OSER1: variants seen among roughly 807,000 people sequenced by gnomAD.
OSER1 encodes oxidative stress-responsive serine-rich protein 1.
Under a neutral mutation model 26.3 loss-of-function variants are expected in OSER1, and 15 were observed. The ratio of observed to expected loss-of-function variants is 0.57; its 90% confidence interval spans 0.38 to 0.88. The LOEUF (loss-of-function observed/expected upper bound fraction) is 0.88, where lower values mean the gene tolerates loss of function less well. OSER1 is among the 40% of genes least tolerant of loss of function. The pLI, the probability that OSER1 is intolerant of heterozygous loss-of-function variation, is 0.00. For synonymous variants in OSER1, 127 were observed against 128.2 expected (o/e 0.99, Z 0.07); for missense variants, 313 against 353.9 (o/e 0.88, Z 0.93).
chr20:44,207,135 T>C (rs565901704), intron 1 of OSER1, 137 bp from the exon 2 acceptor site: 2 of 515,690 alleles, frequency 3.9e-6, no homozygotes, highest in East Asian at 6.1e-5. Flanking sequence ...AGACTATAGG[T>C]TTTATTTCTT....
chr20:44,207,117 A>G (rs2232286), intron 1 of OSER1, 119 bp from the exon 2 acceptor site: 79,409 of 553,366 alleles, frequency 0.14, 7,120 homozygotes, highest in East Asian at 0.31. Flanking sequence ...TTCAGTGTAG[A>G]TAACTGGAGA....
In OSER1 at chr20:44,197,531, T is replaced by A. The variant is rs1433167463; in HGVS notation, c.400A>T (p.Ser134Cys). 1.9e-6 allele frequency: 3 copies of A among 1,614,020 alleles called. No individual in the cohort carries two copies. The highest frequency in any genetic ancestry group is 2.5e-6 in the Non-Finnish European group (3 of 1,179,984). The change falls in exon 4 of 4, where the codon AGC becomes TGC. Residue 134 changes from serine (S) to cysteine (C), a missense_variant. By Grantham distance (112) the Ser-to-Cys change is moderately radical. Coordinates refer to ENST00000255174, the MANE Select transcript of OSER1 (RefSeq NM_016470.8). ...TGATTAGCATCGAGAGAAGTAGAGCTTTCTCCTGCACTGAACTCTTTAGGG... is the reference window on the plus strand; with the variant it reads ...TGATTAGCATCGAGAGAAGTAGAGCATTCTCCTGCACTGAACTCTTTAGGG... ...SSPKEFSAGE[S>C]STSLDANHTG...
At chr20:44,211,025 G>A (rs1158557607), upstream of OSER1, 1 of 152,438 alleles carries the variant, frequency 6.6e-6, no homozygotes, top group African/African-American at 2.4e-5. Context: ...CCAGTGGCGT[G>A]GATTTGCTCC....
intron 3 of OSER1, among the ~76,000 whole-genome samples, chr20:44,202,710 G>T (rs1163444814): frequency 6.6e-6 from 1 of 152,014 alleles, no homozygotes; most frequent in Non-Finnish European, 1.5e-5. Context: ...TGACTTAATG[G>T]ACAGAGAACC....
chr20:44,197,782 A>G, intron 3 of OSER1, 43 bp from the exon 4 acceptor site: 2 of 1,335,988 alleles, frequency 1.5e-6, no homozygotes, highest in Non-Finnish European at 2.1e-6. Flanking sequence ...TGGGATATGG[A>G]GCTGTCCTAA....
chr20:44,206,111 A>G (rs966759360), intron 2 of OSER1, among the ~76,000 whole-genome samples: 3 of 152,190 alleles, frequency 2.0e-5, no homozygotes, highest in Non-Finnish European at 4.4e-5. Flanking sequence ...AGGTGTAGTG[A>G]GAATTAAATA....
intron 1 of OSER1, among the ~76,000 whole-genome samples, chr20:44,210,443 C>G (rs1266419423): frequency 6.6e-6 from 1 of 152,048 alleles, no homozygotes; most frequent in Non-Finnish European, 1.5e-5. Context: ...GGCGGAGGAG[C>G]GAGACGGGGC....
In OSER1 at chr20:44,209,374, A is replaced by G. The variant is rs2073073649; in HGVS notation, c.-42+1322T>C. On this transcript the variant is annotated intron_variant, in intron 1 of 3. Coordinates refer to ENST00000255174, the MANE Select transcript of OSER1 (RefSeq NM_016470.8). ...GCAAATGAGCGTTAGGCATAACCTT[A>G]AGAGCTAGAGAAGAGCATGTTTGTA... is the stretch of plus-strand genomic sequence containing the variant. Among the ~76,000 whole-genome samples the G allele has an allele frequency of 2.0e-5, 3 of 152,222 alleles. No individual in the cohort carries two copies. The South Asian group carries it at 6.2e-4, about 31-fold the overall frequency.
At chr20:44,199,615 A>C (rs745687891) in intron 3 of OSER1, among the ~76,000 whole-genome samples, 37 of 152,254 alleles carry the variant, frequency 2.4e-4, no homozygotes, top group Non-Finnish European at 7.3e-5. Context: ...GAGGTTGCTA[A>C]GATCTACGGT....
chr20:44,208,108 G>A (rs1439503187), intron 1 of OSER1, among the ~76,000 whole-genome samples: 4 of 97,850 alleles, frequency 4.1e-5, no homozygotes, highest in Non-Finnish European at 8.5e-5. Context: ...GCCTTTACCC[G>A]CCCCCCCCCG....
chr20:44,208,460 A>G (rs2073062027), intron 1 of OSER1, among the ~76,000 whole-genome samples: 2 of 151,800 alleles, frequency 1.3e-5, no homozygotes, highest in South Asian at 2.1e-4. Context: ...CTGCACCTCA[A>G]CTTCTTAGGA....
rs988197307 is a variant in OSER1, at chr20:44,210,249, G to A, written c.-42+447C>T. On this transcript the variant is annotated intron_variant, in intron 1 of 3. Coordinates refer to ENST00000255174, the MANE Select transcript of OSER1 (RefSeq NM_016470.8). ...AGCTGTGAAGTTGCGCTCCTCGGGA[G>A]ATTCCTGGGGTCAGAACGAGAGGCT... Among the ~76,000 whole-genome samples the A allele has an allele frequency of 7.2e-5, 11 of 152,322 alleles. No homozygotes were observed. The East Asian group carries it at 2.1e-3, about 29-fold the overall frequency.
chr20:44,210,638 G>T lies in OSER1; in HGVS notation c.-42+58C>A, dbSNP rs559697651. The T allele has an allele frequency of 1.8e-3, 276 of 152,580 alleles. 1 individual carries two copies. The highest frequency in any genetic ancestry group is 3.1e-3 in the Non-Finnish European group (214 of 68,212). 9.5% of individuals were successfully genotyped at this position (152,580 alleles called of 1,614,324 possible). ...GGGGAAAACCGCCCGCGGCCAGACC[G>T]GCAGTGGAAGCTGAGACGCAGTGCT... On this transcript the variant is annotated intron_variant, in intron 1 of 3. Transcript: ENST00000255174.
intron 3 of OSER1, among the ~76,000 whole-genome samples, chr20:44,202,026 CT>C (rs1240283057): frequency 6.6e-6 from 1 of 152,044 alleles, no homozygotes; most frequent in African/African-American, 2.4e-5. Context: ...AAAATAAAAC[CT>C]AGTCATATGC....
At chr20:44,210,857 T>G (rs1255389718), upstream of OSER1, 3 of 151,310 alleles carry the variant, frequency 2.0e-5, no homozygotes, top group African/African-American at 7.3e-5. Context: ...CCCCTCCCCC[T>G]GCTTATGCTC....
At chr20:44,209,302 A>G (rs1227014274) in intron 1 of OSER1, among the ~76,000 whole-genome samples, 1 of 152,210 alleles carries the variant, frequency 6.6e-6, no homozygotes, top group Non-Finnish European at 1.5e-5. Flanking sequence ...TCAGACTTCC[A>G]GCATTTTTTT....
intron 2 of OSER1, among the ~76,000 whole-genome samples, chr20:44,206,562 T>C (rs2073039305): frequency 1.3e-5 from 2 of 152,220 alleles, no homozygotes; most frequent in East Asian, 1.9e-4. Flanking sequence ...TTGAGATGTA[T>C]GATAAAATCC....
intron 3 of OSER1, among the ~76,000 whole-genome samples, chr20:44,201,681 G>A (rs2072984036): frequency 6.6e-6 from 1 of 152,112 alleles, no homozygotes; most frequent in African/African-American, 2.4e-5. Context: ...CAGAGGAAAG[G>A]GTTTCTAAGG....
intron 3 of OSER1, among the ~76,000 whole-genome samples, chr20:44,199,767 G>A (rs549909616): frequency 6.6e-6 from 1 of 152,280 alleles, no homozygotes; most frequent in East Asian, 1.9e-4. Flanking sequence ...TAAATGTGTG[G>A]GTGGAAGACA....
Sources: gnomAD v4.1 joint callset for allele counts (sites outside exome capture counted in the v4.1 genomes callset) on GRCh38, gnomAD v4.1.1 for gene constraint, MANE v1.5 for transcripts, NCBI Gene and HGNC (gene_info 2026-07-23, HGNC 2026-07-21) for gene names.